Variants in ATXN2 observed in about 807,000 individuals in gnomAD.
ATXN2 encodes the protein ataxin-2.
ATXN2 carries 37 observed loss-of-function variants against 138.6 expected under a neutral mutation model. The observed-to-expected ratio is 0.27, with a 90% confidence interval of 0.21 to 0.35. ATXN2 has a LOEUF of 0.35. ATXN2 is among the 10% of genes least tolerant of loss of function. The pLI, the probability that ATXN2 is intolerant of heterozygous loss-of-function variation, is 1.00. For missense variants in ATXN2, 1,216 were observed against 1,480.3 expected (o/e 0.82, Z 2.93); for synonymous variants, 549 against 543.7 (o/e 1.01, Z -0.13).
intron 1 of ATXN2, among the ~76,000 whole-genome samples, chr12:111,576,120 CATAACATAACATA>C (rs1566075045): frequency 4.7e-4 from 65 of 139,242 alleles, no homozygotes; most frequent in South Asian, 1.7e-3. Flanking sequence ...CATAACATAA[CATAACATAACATA>C]ACATCACACC....
Position 111,525,241 on chromosome 12 carries a change from G to A in ATXN2, c.647C>T (p.Ala216Val), listed in dbSNP as rs746735357. The A allele has an allele frequency of 1.2e-6, 2 of 1,613,512 alleles. No individual in the cohort carries two copies. The highest frequency in any genetic ancestry group is 1.1e-5 in the South Asian group (1 of 90,986). The change falls in exon 6 of 25, where the codon GCA (alanine) becomes GTA (valine). Residue 216 changes from alanine (A) to valine (V), a missense_variant. Ala to Val is a moderately conservative substitution (Grantham distance 64). Transcript: ENST00000673436. ...HKEKDLEPWD[A>V]GELTANEELE... ...TTCCTCATTGGCTGTGAGTTCACCT[G>A]CATCCCAGGGCTCCAGGTCCTTCTC...
chr12:111,485,598 T>G, intron 17 of ATXN2, 115 bp downstream of exon 17: 4 of 1,294,140 alleles, frequency 3.1e-6, no homozygotes, highest in Non-Finnish European at 4.3e-6. Context: ...GCCTGTCTGT[T>G]TCAAATGCAT....
intron 14 of ATXN2, among the ~76,000 whole-genome samples, chr12:111,497,418 A>G (rs1878490599): frequency 6.6e-6 from 1 of 152,170 alleles, no homozygotes; most frequent in Non-Finnish European, 1.5e-5. Flanking sequence ...AGGACACATC[A>G]AAAAGGGAAA....
chr12:111,489,480 G>A (rs1344959547), intron 14 of ATXN2, among the ~76,000 whole-genome samples: 1 of 152,134 alleles, frequency 6.6e-6, no homozygotes, highest in Non-Finnish European at 1.5e-5. Context: ...AGGCATGGTG[G>A]CAGGCGCCTA....
Position 111,515,764 on chromosome 12 carries a change from GT to G in ATXN2, c.1375+389del, listed in dbSNP as rs1308863478. On this transcript the variant is annotated intron_variant, in intron 10 of 24. Coordinates refer to ENST00000673436, the MANE Select transcript of ATXN2 (RefSeq NM_001372574.1). ...ATCCCTGCTTATGGCCAATAGGAAG[GT>G]TCACTAGGACCTTGGCCAAAGAGCT... Among the ~76,000 whole-genome samples, 3 of 152,276 alleles carry G rather than the reference GT, an allele frequency of 2.0e-5. No individual in the cohort carries two copies. In the East Asian group the frequency reaches 5.8e-4, roughly 29 times the overall value.
At chr12:111,584,733 A>G (rs1048557513) in intron 1 of ATXN2, among the ~76,000 whole-genome samples, 2 of 152,080 alleles carry the variant, frequency 1.3e-5, no homozygotes, top group African/African-American at 4.8e-5. Flanking sequence ...TGGGAGGCCG[A>G]GGCAAGTGGA....
At chr12:111,502,545 T>TC (rs1425972796) in intron 14 of ATXN2, among the ~76,000 whole-genome samples, 1 of 152,154 alleles carries the variant, frequency 6.6e-6, no homozygotes, top group Non-Finnish European at 1.5e-5. Flanking sequence ...TTCTCCTGCC[T>TC]CAGTCTTGCG....
At chr12:111,530,473 A>G (rs1206284535) in intron 5 of ATXN2, among the ~76,000 whole-genome samples, 2 of 152,200 alleles carry the variant, frequency 1.3e-5, no homozygotes, top group African/African-American at 4.8e-5. Context: ...AGAAGAAAAT[A>G]AGAAAGGGGA....
intron 5 of ATXN2, among the ~76,000 whole-genome samples, chr12:111,541,917 G>C (rs1457707109): frequency 6.8e-6 from 1 of 147,308 alleles, no homozygotes. Context: ...GCTGGTACCT[G>C]CCACCATGTC....
rs369074214 is a variant in ATXN2 at position 111,520,851 on chromosome 12, A to G, written c.788+31T>C. 2.2e-5 allele frequency: 28 copies of G among 1,264,588 alleles called. No individual in the cohort carries two copies. In the African/African-American group the frequency reaches 4.2e-4, roughly 19 times the overall value. 78.3% of individuals were successfully genotyped at this position (1,264,588 alleles called of 1,614,324 possible). ...GCTGATGAAAATCAAAGACAAATGC[A>G]CTAAAATAAAAACAAACTTTTCAAA... is the stretch of plus-strand genomic sequence containing the variant. On this transcript the variant is annotated intron_variant, in intron 7 of 24. Transcript: ENST00000673436.
chr12:111,489,950 C>T (rs1877908496), intron 14 of ATXN2, among the ~76,000 whole-genome samples: 1 of 151,912 alleles, frequency 6.6e-6, no homozygotes, highest in Admixed American at 6.6e-5. Flanking sequence ...CACCTATCAT[C>T]CTAGCACTTT....
At chr12:111,508,737 G>A (rs542177383) in intron 14 of ATXN2, among the ~76,000 whole-genome samples, 16 of 152,144 alleles carry the variant, frequency 1.1e-4, no homozygotes, top group Admixed American at 6.5e-4. Flanking sequence ...GTGAGCCACC[G>A]TGCCCGCCAA....
intron 5 of ATXN2, among the ~76,000 whole-genome samples, chr12:111,542,085 C>G (rs1287785697): frequency 6.8e-6 from 1 of 147,938 alleles, no homozygotes; most frequent in East Asian, 1.9e-4. Context: ...AATATATTAT[C>G]TTTAGAGATT....
chr12:111,599,593 G>A (rs1885168366), upstream of ATXN2: 2 of 1,100,474 alleles, frequency 1.8e-6, no homozygotes, highest in Non-Finnish European at 2.2e-6. Flanking sequence ...GGAGGGGTCA[G>A]ACGGAAGCAG....
At chr12:111,492,187 G>T (rs933741089) in intron 14 of ATXN2, among the ~76,000 whole-genome samples, 4 of 152,142 alleles carry the variant, frequency 2.6e-5, no homozygotes, top group Non-Finnish European at 5.9e-5. Flanking sequence ...GACTCCATTT[G>T]TTTGGAGAAA....
chr12:111,581,786 A>G (rs1884020268), intron 1 of ATXN2: 2 of 545,338 alleles, frequency 3.7e-6, no homozygotes, highest in East Asian at 7.3e-5. Flanking sequence ...ACAGATCAGG[A>G]GGCATTATCT....
chr12:111,533,856 G>A (rs1880989179), intron 5 of ATXN2, among the ~76,000 whole-genome samples: 1 of 152,066 alleles, frequency 6.6e-6, no homozygotes, highest in East Asian at 1.9e-4. Context: ...TCCATGGTTG[G>A]TTGAATTCAC....
intron 1 of ATXN2, among the ~76,000 whole-genome samples, chr12:111,579,272 A>T (rs185212675): frequency 6.6e-6 from 1 of 151,664 alleles, no homozygotes; most frequent in African/African-American, 2.4e-5. Flanking sequence ...TTATTTATTT[A>T]TTTTTTTGAG....
In ATXN2 at chr12:111,595,056, C is replaced by A. The variant is rs559628779; in HGVS notation, c.251+3728G>T. ...ATATATGCACTTGACAGTAAAAATG[C>A]AATTTTTCCTTTAAAAATTCCCCAC... On this transcript the variant is annotated intron_variant, in intron 1 of 24. Transcript: ENST00000673436. Among the ~76,000 whole-genome samples, 70 of 152,248 alleles carry A rather than the reference C, an allele frequency of 4.6e-4. 1 individual carries two copies. In the South Asian group the frequency reaches 0.014, roughly 30 times the overall value.
Sources: allele counts gnomAD v4.1 joint callset (sites outside exome capture counted in the v4.1 genomes callset), GRCh38; gene constraint gnomAD v4.1.1; transcripts MANE v1.5; gene names NCBI Gene and HGNC (gene_info 2026-07-23, HGNC 2026-07-21).